NWD2: variants seen among roughly 807,000 people sequenced by gnomAD.
The protein encoded by NWD2 is NACHT and WD repeat domain containing 2, also known as NACHT and WD repeat domain-containing protein 2.
NWD2 carries 37 observed loss-of-function variants against 132.7 expected under a neutral mutation model. The ratio of observed to expected loss-of-function variants is 0.28; its 90% CI spans 0.21 to 0.37. The LOEUF is 0.37. Among genes scored for constraint, NWD2 ranks in the 10% least tolerant of loss-of-function variants. NWD2 has a pLI of 1.00. For synonymous variants in NWD2, 705 were observed against 803.0 expected (o/e 0.88, Z 2.06); for missense variants, 1,592 against 2,122.4 (o/e 0.75, Z 4.91).
At chr4:37,305,191 C>T (rs368063171) in intron 1 of NWD2, among the ~76,000 whole-genome samples, 15 of 152,310 alleles carry the variant, frequency 9.8e-5, no homozygotes, top group African/African-American at 3.4e-4. Context: ...GGACACATGG[C>T]GCCAAGTACC....
Position 37,316,295 on chromosome 4 carries a change from G to A in NWD2, c.152-9641G>A, listed in dbSNP as rs1204646014. On this transcript the variant is annotated intron_variant, in intron 1 of 6. Transcript: ENST00000309447. ...CTCATTTTTTCAGTACCTTTTTTCA[G>A]ACTATGTTGTTCTATTGCCTTCTGG... 3.3e-5 allele frequency among the ~76,000 whole-genome samples: 5 copies of A among 151,872 alleles called. No individual in the cohort carries two copies. In the East Asian group the frequency reaches 9.6e-4, roughly 29 times the overall value.
chr4:37,376,443 A>G (rs1345332584), intron 3 of NWD2, among the ~76,000 whole-genome samples: 4 of 152,234 alleles, frequency 2.6e-5, no homozygotes, highest in Non-Finnish European at 5.9e-5. Context: ...CCTCAGAGAA[A>G]GCAACAGAGC....
chr4:37,414,352 C>T (rs1376850698), intron 3 of NWD2, among the ~76,000 whole-genome samples: 1 of 151,580 alleles, frequency 6.6e-6, no homozygotes, highest in Non-Finnish European at 1.5e-5. Context: ...AAAGTTTTCA[C>T]AATAAGCTCT....
chr4:37,421,848 T>C (rs1711818189), intron 3 of NWD2, among the ~76,000 whole-genome samples: 1 of 151,784 alleles, frequency 6.6e-6, no homozygotes, highest in South Asian at 2.1e-4. Flanking sequence ...ACAACAGAAT[T>C]TTTTTTTCAC....
intron 3 of NWD2, among the ~76,000 whole-genome samples, chr4:37,358,259 T>C (rs1393922739): frequency 1.3e-5 from 2 of 152,034 alleles, no homozygotes; most frequent in African/African-American, 2.4e-5. Flanking sequence ...ATTTTAAGCA[T>C]GGCCTTGGCT....
chr4:37,249,765 A>G (rs1717315268), intron 1 of NWD2, among the ~76,000 whole-genome samples: 1 of 152,000 alleles, frequency 6.6e-6, no homozygotes, highest in Non-Finnish European at 1.5e-5. Context: ...AGAGTCATGA[A>G]CTCTTGTCCA....
At chr4:37,359,907 C>CA (rs1719945753) in intron 3 of NWD2, among the ~76,000 whole-genome samples, 1 of 152,152 alleles carries the variant, frequency 6.6e-6, no homozygotes, top group Non-Finnish European at 1.5e-5. Flanking sequence ...GGAGCCTGGA[C>CA]ATGTGTCTGG....
At chr4:37,266,919 G>T (rs765126099) in intron 1 of NWD2, among the ~76,000 whole-genome samples, 1 of 151,910 alleles carries the variant, frequency 6.6e-6, no homozygotes, top group Non-Finnish European at 1.5e-5. Flanking sequence ...GATATCTCGA[G>T]GCAGCTCAAA....
chr4:37,288,549 G>A (rs1718289828), intron 1 of NWD2, among the ~76,000 whole-genome samples: 1 of 152,166 alleles, frequency 6.6e-6, no homozygotes, highest in Non-Finnish European at 1.5e-5. Flanking sequence ...GCTTCTAATT[G>A]TCAACCTAAT....
intron 2 of NWD2, among the ~76,000 whole-genome samples, chr4:37,349,056 C>T (rs962892445): frequency 7.9e-5 from 12 of 151,956 alleles, no homozygotes; most frequent in Non-Finnish European, 1.3e-4. Context: ...TATATATGTG[C>T]CACATTTTCT....
intron 1 of NWD2, among the ~76,000 whole-genome samples, chr4:37,270,821 CTT>C (rs1448445350): frequency 1.3e-5 from 2 of 151,624 alleles, no homozygotes; most frequent in African/African-American, 4.8e-5. Flanking sequence ...ACAAAGAAAT[CTT>C]TTCCTATTTC....
intron 6 of NWD2, among the ~76,000 whole-genome samples, chr4:37,441,577 G>A (rs928571679): frequency 6.6e-6 from 1 of 152,246 alleles, no homozygotes; most frequent in African/African-American, 2.4e-5. Context: ...CAGTCCCAGT[G>A]AGGCAGAGTG....
intron 5 of NWD2, among the ~76,000 whole-genome samples, chr4:37,435,731 G>C (rs1712303836): frequency 6.6e-6 from 1 of 152,148 alleles, no homozygotes; most frequent in South Asian, 2.1e-4. Context: ...GTGAAGAACT[G>C]TGTCCACATA....
chr4:37,418,414 G>T (rs1437303885), intron 3 of NWD2, among the ~76,000 whole-genome samples: 2 of 151,924 alleles, frequency 1.3e-5, no homozygotes, highest in Admixed American at 6.6e-5. Flanking sequence ...TAAAAGAGGG[G>T]GGCATAACTC....
Position 37,244,799 on chromosome 4 carries a change from C to T in NWD2, c.-269C>T, listed in dbSNP as rs905266901. ...GCTGACCTCCCGCTCCAGCTGGCTG[C>T]TGCTCGGAGCCCTAGCAGCGGGCGA... On this transcript the variant is annotated 5_prime_UTR_variant, in exon 1 of 7. Coordinates refer to ENST00000309447, the MANE Select transcript of NWD2 (RefSeq NM_001144990.2). This position sits in a 1 kb window ranked among gnomAD's most constrained non-coding sequence, Gnocchi z 5.5. 4 of 411,010 alleles carry T rather than the reference C, an allele frequency of 9.7e-6. No individual in the cohort carries two copies. Among genetic ancestry groups the T allele is most frequent in the Non-Finnish European group, 1.7e-5 (4 of 231,328 alleles). The allele number at this position is 411,010 out of a possible 1,614,324, so 25.5% of individuals were successfully genotyped here. A position where few individuals can be genotyped will look rare whatever the true frequency, so the allele number is the denominator to read the frequency against.
rs762738052 is a variant in NWD2, at chr4:37,444,385, C to T, written c.2397C>T (p.His799=). The T allele has an allele frequency of 1.3e-6, 2 of 1,552,188 alleles. No homozygotes were observed. The highest frequency in any genetic ancestry group is 8.7e-7 in the Non-Finnish European group (1 of 1,147,120). Residue 799 remains histidine (H), a synonymous_variant, in exon 7 of 7, where the codon CAC becomes CAT. Transcript: ENST00000309447. This position sits in a 1 kb window ranked among gnomAD's most constrained non-coding sequence, Gnocchi z 4.8. ...GAAGTTTGCTGGAGGAAGAAAAGCA[C>T]TTCATGGAACAGGCTTCCTTTGACA... ...ENRSLLEEEK[H]FMEQASFDRQ...
chr4:37,286,645 A>C (rs1253314892), intron 1 of NWD2, among the ~76,000 whole-genome samples: 1 of 152,236 alleles, frequency 6.6e-6, no homozygotes, highest in Admixed American at 6.5e-5. Context: ...ACTTGTGTGC[A>C]CTTGAGCAAG....
At chr4:37,402,639 A>C (rs762134401) in intron 3 of NWD2, among the ~76,000 whole-genome samples, 2 of 152,186 alleles carry the variant, frequency 1.3e-5, no homozygotes, top group Non-Finnish European at 2.9e-5. Flanking sequence ...TCTCATATGA[A>C]GAAGGCATTT....
intron 1 of NWD2, among the ~76,000 whole-genome samples, chr4:37,253,053 G>C (rs1466112775): frequency 8.7e-5 from 13 of 149,356 alleles, no homozygotes. Context: ...GTTATAATTA[G>C]ATTATGTGAG....
Sources: allele counts gnomAD v4.1 joint callset (sites outside exome capture counted in the v4.1 genomes callset), GRCh38; gene constraint gnomAD v4.1.1; non-coding constraint Gnocchi (gnomAD v3.1); transcripts MANE v1.5; gene names NCBI Gene and HGNC (gene_info 2026-07-23, HGNC 2026-07-21).